The following TIAM1 variants were observed in gnomAD, a reference collection of about 807,000 sequenced individuals.
TIAM1 encodes rho guanine nucleotide exchange factor TIAM1.
In TIAM1, 65 loss-of-function variants were observed where a neutral mutation model predicts 163.5. The observed-to-expected ratio is 0.40, with a 90% CI of 0.33 to 0.49. The LOEUF is 0.49. TIAM1 is among the 20% of genes least tolerant of loss of function. TIAM1 has a pLI of 0.77. For missense variants in TIAM1, 1,789 were observed against 2,044.7 expected (o/e 0.87, Z 2.41); for synonymous variants, 833 against 810.1 (o/e 1.03, Z -0.48).
intron 1 of TIAM1, among the ~76,000 whole-genome samples, chr21:31,506,720 C>T (rs1349651109): frequency 6.6e-6 from 1 of 152,148 alleles, no homozygotes; most frequent in East Asian, 1.9e-4. Context: ...GAGTTCAAGA[C>T]CAGCCTGGGC....
chr21:31,138,308 C>G (rs549803464), intron 22 of TIAM1, among the ~76,000 whole-genome samples: 1 of 152,296 alleles, frequency 6.6e-6, no homozygotes, highest in South Asian at 2.1e-4. Flanking sequence ...TCTTTGCCAG[C>G]TTTGTTCTCT....
Position 31,153,113 on chromosome 21 carries a change from T to A in TIAM1, c.3193A>T (p.Arg1065Ter). The A allele has an allele frequency of 6.2e-7, 1 of 1,613,106 alleles. No homozygotes were observed. The highest frequency in any genetic ancestry group is 8.5e-7 in the Non-Finnish European group (1 of 1,179,714). The change falls in exon 18 of 28, where the codon AGA becomes TGA. Residue 1065 changes from arginine to a stop codon, truncating the protein, a stop_gained. Coordinates refer to ENST00000541036, the MANE Select transcript of TIAM1 (RefSeq NM_001353694.2). LOFTEE classifies it high-confidence loss of function. ...TCTTTTTGAAGAGGCTTTAGGTATC[T>A]CTCCATAAGACAGTTTAAATCCTAA... ...YVKDLNCLMERYLKPLQKETF... is the reference protein window; with the variant it reads ...YVKDLNCLME
chr21:31,369,785 C>T (rs2076564110), intron 2 of TIAM1, among the ~76,000 whole-genome samples: 2 of 151,982 alleles, frequency 1.3e-5, no homozygotes, highest in Non-Finnish European at 2.9e-5. Flanking sequence ...GTCAGGAGTT[C>T]GAGACCAGCC....
intron 1 of TIAM1, among the ~76,000 whole-genome samples, chr21:31,499,054 A>C (rs574820553): frequency 2.8e-4 from 43 of 152,236 alleles, no homozygotes; most frequent in African/African-American, 9.6e-4. Context: ...CTTTTCCCCC[A>C]GAACATTAAG....
At chr21:31,164,389 C>CA (rs542696881) in intron 16 of TIAM1, among the ~76,000 whole-genome samples, 7,605 of 94,882 alleles carry the variant, frequency 0.08, 578 homozygotes, top group African/African-American at 0.19. Flanking sequence ...GACTCCATCT[C>CA]AAAAAAAAAA....
chr21:31,195,724 T>C (rs2085814360), intron 12 of TIAM1, among the ~76,000 whole-genome samples: 1 of 152,166 alleles, frequency 6.6e-6, no homozygotes, highest in Admixed American at 6.5e-5. Flanking sequence ...ATAGTACAAA[T>C]AAGTAGAGAC....
chr21:31,252,296 G>C, intron 4 of TIAM1, 107 bp from the exon 5 acceptor site: 1 of 1,253,036 alleles, frequency 8.0e-7, no homozygotes, highest in Non-Finnish European at 1.1e-6. Flanking sequence ...GTAGCAGCGG[G>C]ATACGCATAA....
At chr21:31,284,204 A>T (rs1397159596) in intron 2 of TIAM1, among the ~76,000 whole-genome samples, 2 of 152,196 alleles carry the variant, frequency 1.3e-5, no homozygotes, top group African/African-American at 4.8e-5. Flanking sequence ...GTGTTTTCAT[A>T]CCTCCTATGA....
chr21:31,153,194 C>G (rs2083459353), intron 17 of TIAM1, 60 bp from the exon 18 acceptor site: 13 of 1,373,112 alleles, frequency 9.5e-6, no homozygotes, highest in African/African-American at 1.5e-5. Context: ...TACCCTAGAA[C>G]TTAAAGTATA....
chr21:31,382,338 C>A (rs763435674), intron 2 of TIAM1, among the ~76,000 whole-genome samples: 3 of 152,118 alleles, frequency 2.0e-5, no homozygotes, highest in Non-Finnish European at 4.4e-5. Context: ...AGATTTACGC[C>A]GTGTCTAGAA....
intron 15 of TIAM1, among the ~76,000 whole-genome samples, chr21:31,176,946 GTTCT>G (rs1336791067): frequency 6.6e-6 from 1 of 152,104 alleles, no homozygotes; most frequent in African/African-American, 2.4e-5. Context: ...ACAGCATTCA[GTTCT>G]TTCTACTCGA....
At chr21:31,200,045 C>T (rs2086112452) in intron 12 of TIAM1, among the ~76,000 whole-genome samples, 1 of 152,150 alleles carries the variant, frequency 6.6e-6, no homozygotes, top group African/African-American at 2.4e-5. Flanking sequence ...TGACATATTA[C>T]ACATTCACAT....
chr21:31,190,493 T>C (rs936052978), intron 13 of TIAM1, among the ~76,000 whole-genome samples: 1 of 151,940 alleles, frequency 6.6e-6, no homozygotes, highest in Non-Finnish European at 1.5e-5. Flanking sequence ...TGATAAACAA[T>C]AGAGAATTAC....
intron 1 of TIAM1, among the ~76,000 whole-genome samples, chr21:31,557,847 G>A (rs370809117): frequency 2.2e-3 from 340 of 152,280 alleles, no homozygotes; most frequent in South Asian, 0.021. Context: ...GGAACCGGGT[G>A]AGTGTGGCCG....
intron 2 of TIAM1, among the ~76,000 whole-genome samples, chr21:31,389,069 G>A (rs1485678563): frequency 6.6e-6 from 1 of 152,188 alleles, no homozygotes; most frequent in Non-Finnish European, 1.5e-5. Context: ...CGAGCCACGG[G>A]TAATACATAC....
chr21:31,359,430 G>T (rs958192906), intron 2 of TIAM1, among the ~76,000 whole-genome samples: 3 of 152,050 alleles, frequency 2.0e-5, no homozygotes, highest in Non-Finnish European at 4.4e-5. Flanking sequence ...CACAAGATTA[G>T]GTTGGCAGAA....
At chr21:31,136,113 A>AT in intron 22 of TIAM1, 72 bp from the exon 23 acceptor site, 1 of 1,326,852 alleles carries the variant, frequency 7.5e-7, no homozygotes, top group Non-Finnish European at 1.1e-6. Flanking sequence ...ATGTTTGAAA[A>AT]TTCAGCATGC....
chr21:31,471,944 C>T (rs1396933735), intron 1 of TIAM1, among the ~76,000 whole-genome samples: 1 of 149,150 alleles, frequency 6.7e-6, no homozygotes, highest in African/African-American at 2.5e-5. Context: ...CTGAGAGGGG[C>T]GGGAGCCTTG....
At chr21:31,391,015 G>A (rs2076956782) in intron 2 of TIAM1, among the ~76,000 whole-genome samples, 1 of 152,136 alleles carries the variant, frequency 6.6e-6, no homozygotes, top group African/African-American at 2.4e-5. Flanking sequence ...CTTTCTAGAT[G>A]ATACCAGGGC....
Sources: gnomAD v4.1 joint callset for allele counts (sites outside exome capture counted in the v4.1 genomes callset) on GRCh38, gnomAD v4.1.1 for gene constraint, MANE v1.5 for transcripts, NCBI Gene and HGNC (gene_info 2026-07-23, HGNC 2026-07-21) for gene names.